The following MDGA2 variants were observed in gnomAD, a reference collection of about 807,000 sequenced individuals.
MDGA2 encodes MAM domain-containing glycosylphosphatidylinositol anchor protein 2.
Under a neutral mutation model 117.8 loss-of-function variants are expected in MDGA2, and 40 were observed. That is an observed-to-expected ratio of 0.34 (90% confidence interval 0.26 to 0.44). MDGA2 has a LOEUF of 0.44. Ranked by LOEUF, MDGA2 falls within the 20% of genes least tolerant of loss-of-function variation. MDGA2 has a pLI of 1.00. For missense variants in MDGA2, 1,123 were observed against 1,250.6 expected (o/e 0.90, Z 1.54); for synonymous variants, 452 against 439.0 (o/e 1.03, Z -0.37).
intron 1 of MDGA2, among the ~76,000 whole-genome samples, chr14:47,393,890 T>C (rs1594834510): frequency 6.6e-6 from 1 of 152,268 alleles, no homozygotes; most frequent in East Asian, 1.9e-4. Flanking sequence ...CCTTGTATTT[T>C]GACTATAAAT....
chr14:47,662,439 G>C (rs183053490), intron 1 of MDGA2, among the ~76,000 whole-genome samples: 1 of 152,252 alleles, frequency 6.6e-6, no homozygotes, highest in Admixed American at 6.5e-5. Flanking sequence ...GCTCTCTCTG[G>C]AAGAGGGAAG....
chr14:47,272,144 G>A (rs1888165682), intron 2 of MDGA2, among the ~76,000 whole-genome samples: 1 of 152,078 alleles, frequency 6.6e-6, no homozygotes, highest in Non-Finnish European at 1.5e-5. Context: ...GGGAAGACGA[G>A]GGAAAGGAAA....
intron 1 of MDGA2, among the ~76,000 whole-genome samples, chr14:47,650,142 T>G (rs998204466): frequency 2.0e-5 from 3 of 152,150 alleles, no homozygotes; most frequent in African/African-American, 7.2e-5. Flanking sequence ...GAATTCCTCC[T>G]GCCTGACTGC....
At chr14:47,184,498 T>C (rs1884834861) in intron 3 of MDGA2, among the ~76,000 whole-genome samples, 1 of 151,936 alleles carries the variant, frequency 6.6e-6, no homozygotes, top group African/African-American at 2.4e-5. Flanking sequence ...GATTCATTTC[T>C]ATGTTCTTTC....
chr14:46,912,264 C>T (rs571151617), intron 10 of MDGA2, among the ~76,000 whole-genome samples: 8 of 152,180 alleles, frequency 5.3e-5, no homozygotes, highest in South Asian at 4.2e-4. Flanking sequence ...AACATACACA[C>T]GAATGCACAT....
rs71112472 is a variant in MDGA2, at chr14:46,938,540, CAAAAAAA to C, written c.2090-18387_2090-18381del. 3.7e-3 allele frequency among the ~76,000 whole-genome samples: 99 copies of C among 27,002 alleles called. 4 individuals are homozygous for C. The highest frequency in any genetic ancestry group is 0.011 in the East Asian group (10 of 944). The allele number at this position is 27,002 out of a possible 152,430, so 17.7% of individuals were successfully genotyped here. A position where few individuals can be genotyped will look rare whatever the true frequency, so the allele number is the denominator to read the frequency against. The stretch of plus-strand genomic sequence containing the variant: ...GGGCAACAAGAACGAAAATCCATCT[CAAAAAAA>C]AAAAAAAAAAAAAGAGACATCATCT... On this transcript the variant is annotated intron_variant, in intron 9 of 16. Transcript: ENST00000399232.
At chr14:46,949,542 T>TATA (rs1312757370) in intron 9 of MDGA2, among the ~76,000 whole-genome samples, 9 of 152,014 alleles carry the variant, frequency 5.9e-5, no homozygotes, top group Admixed American at 1.3e-4. Flanking sequence ...CAGAGTCTAT[T>TATA]ATTTCCATCT....
intron 7 of MDGA2, among the ~76,000 whole-genome samples, chr14:47,055,435 T>A (rs1037919139): frequency 1.1e-4 from 16 of 152,100 alleles, no homozygotes; most frequent in Non-Finnish European, 1.9e-4. Flanking sequence ...TGCTACCTGC[T>A]GCTCTATGGA....
chr14:47,272,051 C>G (rs1382842704), intron 2 of MDGA2, among the ~76,000 whole-genome samples: 1 of 151,824 alleles, frequency 6.6e-6, no homozygotes, highest in Non-Finnish European at 1.5e-5. Flanking sequence ...TTGACAAAGT[C>G]AAATGAAAAT....
intron 1 of MDGA2, among the ~76,000 whole-genome samples, chr14:47,577,932 A>G (rs1244863152): frequency 6.6e-6 from 1 of 152,220 alleles, no homozygotes; most frequent in Non-Finnish European, 1.5e-5. Context: ...ATATACCCAA[A>G]GGAATATAAA....
intron 1 of MDGA2, among the ~76,000 whole-genome samples, chr14:47,486,982 A>C (rs1680438662): frequency 6.6e-6 from 1 of 152,336 alleles, no homozygotes; most frequent in Non-Finnish European, 1.5e-5. Context: ...TATCATTCTT[A>C]TGTATAAATA....
chr14:47,089,574 C>A (rs1488400110), intron 6 of MDGA2, among the ~76,000 whole-genome samples: 3 of 151,716 alleles, frequency 2.0e-5, no homozygotes, highest in Non-Finnish European at 4.4e-5. Context: ...ACAGGGTTTC[C>A]CCATGTTGGC....
At chr14:47,463,009 T>TTGTG (rs113671829) in intron 1 of MDGA2, among the ~76,000 whole-genome samples, 2 of 150,998 alleles carry the variant, frequency 1.3e-5, no homozygotes, top group South Asian at 4.2e-4. Context: ...AAAGAAATCT[T>TTGTG]TGTGTGTGTG....
chr14:47,181,404 A>C (rs1001119661), intron 3 of MDGA2, among the ~76,000 whole-genome samples: 4 of 152,224 alleles, frequency 2.6e-5, no homozygotes, highest in Non-Finnish European at 5.9e-5. Context: ...AGACTGGATA[A>C]AGAAAATGTG....
At chr14:47,451,802 G>A (rs1029252155) in intron 1 of MDGA2, among the ~76,000 whole-genome samples, 9 of 151,868 alleles carry the variant, frequency 5.9e-5, no homozygotes, top group Admixed American at 2.6e-4. Context: ...ACAATAAAAC[G>A]TTTGCCATTT....
chr14:47,511,552 T>G (rs747255530), intron 1 of MDGA2, among the ~76,000 whole-genome samples: 28 of 152,180 alleles, frequency 1.8e-4, no homozygotes, highest in Admixed American at 5.9e-4. Flanking sequence ...TTTCTTTTTG[T>G]GGAAACAGTT....
intron 5 of MDGA2, among the ~76,000 whole-genome samples, chr14:47,120,370 T>C (rs1436926995): frequency 2.0e-5 from 3 of 152,152 alleles, no homozygotes; most frequent in Non-Finnish European, 4.4e-5. Context: ...TGCAGATTTA[T>C]TGGATAGAAT....
chr14:47,530,873 T>C (rs1234158377), intron 1 of MDGA2, among the ~76,000 whole-genome samples: 1 of 152,196 alleles, frequency 6.6e-6, no homozygotes, highest in Non-Finnish European at 1.5e-5. Context: ...TTTTCTAGTG[T>C]TCACCTTACC....
intron 1 of MDGA2, among the ~76,000 whole-genome samples, chr14:47,464,100 T>TATAC (rs1893547493): frequency 7.1e-6 from 1 of 141,516 alleles, no homozygotes; most frequent in African/African-American, 2.6e-5. Context: ...ACTTACTATG[T>TATAC]ACACACACAC....
Sources: allele counts gnomAD v4.1 joint callset (sites outside exome capture counted in the v4.1 genomes callset), GRCh38; gene constraint gnomAD v4.1.1; transcripts MANE v1.5; gene names NCBI Gene and HGNC (gene_info 2026-07-23, HGNC 2026-07-21).